The following DMD variants were observed in gnomAD, a reference collection of about 807,000 sequenced individuals.
DMD encodes the protein dystrophin.
DMD carries 63 observed loss-of-function variants against 330.1 expected under a neutral mutation model. The ratio of observed to expected loss-of-function variants is 0.19; its 90% CI spans 0.16 to 0.24. The LOEUF (loss-of-function observed/expected upper bound fraction) is 0.24. DMD is among the 10% of genes least tolerant of loss of function. The pLI is 1.00. For missense variants in DMD, 3,344 were observed against 2,684.1 expected (o/e 1.25, Z -5.43); for synonymous variants, 1,223 against 959.8 (o/e 1.27, Z -5.07).
intron 44 of DMD, among the ~76,000 whole-genome samples, chrX:32,208,106 G>A (rs755253510): frequency 1.2e-4 from 13 of 111,485 alleles, no homozygotes; most frequent in Non-Finnish European, 2.4e-4. Flanking sequence ...TTTAATGCCT[G>A]AGTAGCAATA....
intron 47 of DMD, among the ~76,000 whole-genome samples, chrX:31,907,261 A>G (rs1056396815): frequency 8.9e-6 from 1 of 111,910 alleles, no homozygotes; most frequent in African/African-American, 3.2e-5. Context: ...CAAGTCATCA[A>G]TGTGAACAAC....
At chrX:33,209,094 CTGTCTAGCTGGAATAG>C (rs1459256170) in intron 1 of DMD, among the ~76,000 whole-genome samples, 78 of 111,331 alleles carry the variant, frequency 7.0e-4, no homozygotes, top group Middle Eastern at 4.7e-3. Context: ...CAATTCAGTA[CTGTCTAGCTGGAATAG>C]TGTCAGCCAA....
At chrX:31,582,629 T>C (rs1365615972) in intron 55 of DMD, among the ~76,000 whole-genome samples, 1 of 112,015 alleles carries the variant, frequency 8.9e-6, no homozygotes, top group East Asian at 2.8e-4. Flanking sequence ...GACTATTCTT[T>C]ATTAATTGCA....
chrX:32,997,810 A>G (rs1025217004), intron 2 of DMD, among the ~76,000 whole-genome samples: 1 of 111,604 alleles, frequency 9.0e-6, no homozygotes, highest in African/African-American at 3.3e-5. Flanking sequence ...AGGAATCTAC[A>G]TAATAAATTT....
At position 31,820,034 on chromosome X, in the gene DMD, A is replaced by G; in HGVS notation, c.7250T>C (p.Leu2417Pro). ...AGGCTGCTTTGCCCTCAGCTCTTGA[A>G]GTAAACGGTTTACCGCCTTCCACTC... ...SSEWKAVNRLLQELRAKQPDL... is the reference protein window; with the variant it reads ...SSEWKAVNRLPQELRAKQPDL... The change falls in exon 50 of 79, where the codon CTT becomes CCT. Residue 2417 changes from leucine (L) to proline (P), a missense_variant. Transcript: ENST00000357033. 1 of 1,212,045 alleles carries G rather than the reference A, an allele frequency of 8.3e-7. No individual in the cohort carries two copies. Among genetic ancestry groups the G allele is most frequent in the Non-Finnish European group, 1.1e-6 (1 of 895,543 alleles).
intron 55 of DMD, among the ~76,000 whole-genome samples, chrX:31,617,420 G>C (rs1268215464): frequency 1.8e-5 from 2 of 108,494 alleles, no homozygotes; most frequent in Non-Finnish European, 3.8e-5. Context: ...TCTAATCCCA[G>C]CTACTTGGGA....
intron 43 of DMD, among the ~76,000 whole-genome samples, chrX:32,271,147 A>G (rs977582463): frequency 1.8e-5 from 2 of 112,039 alleles, no homozygotes; most frequent in Non-Finnish European, 3.8e-5. Flanking sequence ...TTCAAGTACT[A>G]TGCTATAATT....
At chrX:32,330,729 T>C (rs1359353629) in intron 41 of DMD, among the ~76,000 whole-genome samples, 1 of 111,503 alleles carries the variant, frequency 9.0e-6, no homozygotes, top group Non-Finnish European at 1.9e-5. Context: ...ATTTTACGTT[T>C]TGTGTTGTCT....
chrX:32,688,434 A>G (rs1272236284), intron 9 of DMD, among the ~76,000 whole-genome samples: 1 of 112,392 alleles, frequency 8.9e-6, no homozygotes. Flanking sequence ...TTTTAAGATT[A>G]CATTATCATT....
chrX:31,592,861 T>C, intron 55 of DMD, among the ~76,000 whole-genome samples: 1 of 110,856 alleles, frequency 9.0e-6, no homozygotes, highest in Non-Finnish European at 1.9e-5. Flanking sequence ...GTTATGTCTA[T>C]TCTCGAAAAT....
At position 32,168,551 on chromosome X, in the gene DMD, AAAAAAAAACCAAC is replaced by A. The variant is rs1305401289; in HGVS notation, c.6438+48352_6438+48364del. On this transcript the variant is annotated intron_variant, in intron 44 of 78. Transcript: ENST00000357033. The stretch of plus-strand genomic sequence containing the variant: ...ACCAATGACAGTTATAAAAAAAAAA[AAAAAAAAACCAAC>A]AAAAAAACTAAATTCCCTCAGAGAA... Among the ~76,000 whole-genome samples, 3 of 109,765 alleles carry A rather than the reference AAAAAAAAACCAAC, an allele frequency of 2.7e-5. No individual in the cohort carries two copies. In the East Asian group the frequency reaches 8.5e-4, roughly 31 times the overall value.
At chrX:32,115,898 C>T (rs745415601) in intron 44 of DMD, among the ~76,000 whole-genome samples, 7 of 111,746 alleles carry the variant, frequency 6.3e-5, no homozygotes, top group Non-Finnish European at 1.1e-4. Context: ...TGTGCTATCT[C>T]CCTGTATTCA....
intron 55 of DMD, among the ~76,000 whole-genome samples, chrX:31,519,366 CAAT>C (rs1184502037): frequency 8.9e-6 from 1 of 112,113 alleles, no homozygotes; most frequent in East Asian, 2.8e-4. Context: ...CATCTTTTCC[CAAT>C]AACACATATC....
intron 29 of DMD, among the ~76,000 whole-genome samples, chrX:32,428,908 G>A (rs191204103): frequency 5.4e-5 from 6 of 111,346 alleles, no homozygotes; most frequent in Non-Finnish European, 7.5e-5. Flanking sequence ...CACCATGCCC[G>A]GCCAGGTATG....
intron 67 of DMD, among the ~76,000 whole-genome samples, chrX:31,191,998 T>C (rs758979202): frequency 8.9e-6 from 1 of 112,479 alleles, no homozygotes; most frequent in South Asian, 3.7e-4. Context: ...GATTTAAAAC[T>C]ACAAGGAGAA....
At chrX:31,569,634 A>C (rs759214578) in intron 55 of DMD, among the ~76,000 whole-genome samples, 21 of 98,803 alleles carry the variant, frequency 2.1e-4, no homozygotes, top group African/African-American at 8.0e-4. Flanking sequence ...GTATATACGT[A>C]TATATATGTA....
chrX:31,203,423 G>T (rs2043727961), intron 67 of DMD, among the ~76,000 whole-genome samples: 1 of 110,837 alleles, frequency 9.0e-6, no homozygotes, highest in African/African-American at 3.3e-5. Flanking sequence ...AATGGGACAG[G>T]ATAGGAAAGA....
intron 44 of DMD, among the ~76,000 whole-genome samples, chrX:32,196,154 A>C (rs1315278367): frequency 8.9e-6 from 1 of 112,449 alleles, no homozygotes; most frequent in Non-Finnish European, 1.9e-5. Flanking sequence ...TTTCAGGCTC[A>C]TTTCCAGTCC....
intron 3 of DMD, among the ~76,000 whole-genome samples, chrX:32,848,569 G>A (rs759393016): frequency 9.2e-5 from 10 of 108,147 alleles, no homozygotes; most frequent in African/African-American, 1.4e-4. Flanking sequence ...AAATGGATCC[G>A]TTTTAGTATT....
Sources: allele counts gnomAD v4.1 joint callset (sites outside exome capture counted in the v4.1 genomes callset), GRCh38; gene constraint gnomAD v4.1.1; transcripts MANE v1.5; gene names NCBI Gene and HGNC (gene_info 2026-07-23, HGNC 2026-07-21).